The following TADA2A variants were observed in gnomAD, a reference collection of about 807,000 sequenced individuals.
TADA2A encodes the protein transcriptional adaptor 2A.
TADA2A carries 38 observed loss-of-function variants against 67.4 expected under a neutral mutation model. That is an observed-to-expected ratio of 0.56 (90% CI 0.44 to 0.74). TADA2A has a LOEUF of 0.74. Ranked by LOEUF, TADA2A falls within the 30% of genes least tolerant of loss-of-function variation. The pLI is 0.00. For synonymous variants in TADA2A, 192 were observed against 181.6 expected (o/e 1.06, Z -0.46); for missense variants, 454 against 547.0 (o/e 0.83, Z 1.70).
chr17:37,421,151 T>G lies in TADA2A; in HGVS notation c.26-2358T>G, dbSNP rs777355418. Among the ~76,000 whole-genome samples the G allele has an allele frequency of 5.9e-4, 87 of 146,576 alleles. 7 individuals are homozygous for G. The highest frequency in any genetic ancestry group is 4.6e-4 in the Non-Finnish European group (30 of 65,676). ...GGCTCATGCCTATAATTCCACCACT[T>G]TGGGAAGCTGAGGCAGGAGGACTTC... On this transcript the variant is annotated intron_variant, in intron 2 of 15. Transcript: ENST00000615182.
At chr17:37,409,922 T>G (rs893914795) in intron 1 of TADA2A, among the ~76,000 whole-genome samples, 1 of 151,796 alleles carries the variant, frequency 6.6e-6, no homozygotes, top group African/African-American at 2.4e-5. Context: ...CTCCAGCACT[T>G]TTGGAGGCCG....
chr17:37,440,529 C>T lies in TADA2A; in HGVS notation c.309C>T (p.Cys103=). 1.2e-6 allele frequency: 2 copies of T among 1,614,096 alleles called. No individual in the cohort carries two copies. The highest frequency in any genetic ancestry group is 1.7e-6 in the Non-Finnish European group (2 of 1,180,002). The change falls in exon 6 of 16, where the codon TGC becomes TGT. Residue 103 remains cysteine, a synonymous_variant. Transcript: ENST00000615182. ...GNWQDVANQM[C]TKTKEECEKH... The stretch of plus-strand genomic sequence containing the variant: ...GGCAGGATGTAGCCAATCAAATGTG[C>T]ACCAAGACCAAGGAGGAGTGTGAGA...
chr17:37,451,839 C>G (rs957019056), intron 8 of TADA2A, among the ~76,000 whole-genome samples: 2 of 151,894 alleles, frequency 1.3e-5, no homozygotes, highest in African/African-American at 4.8e-5. Flanking sequence ...CAAAAATTAG[C>G]CAGACATGGT....
intron 4 of TADA2A, among the ~76,000 whole-genome samples, chr17:37,433,048 T>G (rs575975800): frequency 1.7e-4 from 26 of 151,560 alleles, no homozygotes; most frequent in African/African-American, 6.3e-4. Context: ...TCTGTATGGG[T>G]TTTCCTTCCC....
At position 37,477,027 on chromosome 17, in the gene TADA2A, T is replaced by C. The variant is rs1194588293; in HGVS notation, c.*45T>C. 1.9e-6 allele frequency: 3 copies of C among 1,571,340 alleles called. No homozygotes were observed. The highest frequency in any genetic ancestry group is 2.7e-5 in the African/African-American group (2 of 73,760). ...CAGAAGTCAGAAGTTTGGAATGTGGTGGGTCAAAGGACAATATGGGTGGGC... is the reference window on the plus strand; with the variant it reads ...CAGAAGTCAGAAGTTTGGAATGTGGCGGGTCAAAGGACAATATGGGTGGGC... On this transcript the variant is annotated 3_prime_UTR_variant, in exon 16 of 16. Coordinates refer to ENST00000615182, the MANE Select transcript of TADA2A (RefSeq NM_001166105.3).
intron 3 of TADA2A, among the ~76,000 whole-genome samples, chr17:37,424,007 C>G (rs1050763524): frequency 6.6e-6 from 1 of 152,034 alleles, no homozygotes; most frequent in African/African-American, 2.4e-5. Flanking sequence ...CTCAGCCTCC[C>G]AAAGTTCTGG....
chr17:37,431,416 A>G (rs1000338223), intron 4 of TADA2A, among the ~76,000 whole-genome samples: 10 of 152,018 alleles, frequency 6.6e-5, no homozygotes, highest in Admixed American at 6.6e-4. Flanking sequence ...ATCATGTGCT[A>G]GGCATATTCA....
In TADA2A at chr17:37,467,195, T is replaced by C. The variant is rs548754220; in HGVS notation, c.824-259T>C. 3.3e-5 allele frequency among the ~76,000 whole-genome samples: 5 copies of C among 152,242 alleles called. No individual in the cohort carries two copies. In the South Asian group the frequency reaches 1.0e-3, roughly 32 times the overall value. On this transcript the variant is annotated intron_variant, in intron 11 of 15. Coordinates refer to ENST00000615182, the MANE Select transcript of TADA2A (RefSeq NM_001166105.3). ...ATTGTTACTTTTGTAGACAAATGAATTTAACCATTTCACTAAGTTTTCTAG... is the reference window on the plus strand; with the variant it reads ...ATTGTTACTTTTGTAGACAAATGAACTTAACCATTTCACTAAGTTTTCTAG...
At chr17:37,414,617 T>G (rs142830441) in intron 2 of TADA2A, among the ~76,000 whole-genome samples, 2 of 152,282 alleles carry the variant, frequency 1.3e-5, no homozygotes, top group Non-Finnish European at 2.9e-5. Flanking sequence ...CACATGCACA[T>G]TTACGTACAC....
chr17:37,469,003 C>A (rs987302745), intron 12 of TADA2A, among the ~76,000 whole-genome samples: 2 of 151,758 alleles, frequency 1.3e-5, no homozygotes, highest in African/African-American at 2.4e-5. Flanking sequence ...TAGGTTCAAG[C>A]GAGTCTCCTG....
intron 10 of TADA2A, among the ~76,000 whole-genome samples, chr17:37,463,198 A>G (rs374979925): frequency 1.8e-4 from 27 of 152,152 alleles, no homozygotes; most frequent in African/African-American, 6.5e-4. Flanking sequence ...TTCTTCCACA[A>G]CATAGAGGCT....
rs997590324 is a variant in TADA2A, at chr17:37,467,646, T to C, written c.895+121T>C. The C allele has an allele frequency of 2.6e-5, 21 of 804,912 alleles. No homozygotes were observed. The African/African-American group carries it at 3.4e-4, about 13-fold the overall frequency. 49.9% of individuals were successfully genotyped at this position (804,912 alleles called of 1,614,324 possible). A position where few individuals can be genotyped will look rare whatever the true frequency, so the allele number is the denominator to read the frequency against. On this transcript the variant is annotated intron_variant, in intron 12 of 15. Transcript: ENST00000615182. ...ACAAGCTTTCCTTTACCAGAATGCT[T>C]TAAACCTTTCCAGTAAAGTTTTGGC... is the stretch of plus-strand genomic sequence containing the variant.
chr17:37,414,365 T>TTTCTTTTTAGCATCTCCG, intron 2 of TADA2A, among the ~76,000 whole-genome samples: 1 of 152,234 alleles, frequency 6.6e-6, no homozygotes, highest in South Asian at 2.1e-4. Flanking sequence ...TCATTTTTTT[T>TTTCTTTTTAGCATCTCCG]TTCTTTTTAG....
At chr17:37,434,283 A>G (rs1245665295) in intron 4 of TADA2A, among the ~76,000 whole-genome samples, 2 of 152,208 alleles carry the variant, frequency 1.3e-5, no homozygotes, top group Non-Finnish European at 2.9e-5. Flanking sequence ...TTCTCATTTT[A>G]TCATATCAGA....
At chr17:37,430,773 T>C (rs748778125) in intron 4 of TADA2A, among the ~76,000 whole-genome samples, 4 of 152,230 alleles carry the variant, frequency 2.6e-5, no homozygotes, top group Non-Finnish European at 4.4e-5. Flanking sequence ...TGTAGAAAGT[T>C]TTTATTGTTT....
At chr17:37,409,066 A>G (rs2147888505) in intron 1 of TADA2A, among the ~76,000 whole-genome samples, 1 of 152,254 alleles carries the variant, frequency 6.6e-6, no homozygotes, top group Non-Finnish European at 1.5e-5. Context: ...TAGGTATCCG[A>G]TATAGTCTCT....
chr17:37,458,025 G>A (rs565032746), intron 8 of TADA2A, among the ~76,000 whole-genome samples: 4 of 152,230 alleles, frequency 2.6e-5, no homozygotes, highest in South Asian at 4.1e-4. Flanking sequence ...GCATCATCCA[G>A]GTATTAAGCC....
intron 11 of TADA2A, among the ~76,000 whole-genome samples, chr17:37,466,087 C>T (rs1305369274): frequency 6.6e-6 from 1 of 152,096 alleles, no homozygotes; most frequent in African/African-American, 2.4e-5. Context: ...TGTGAGAGCT[C>T]TACATAGTTA....
At chr17:37,424,061 A>G (rs1384854994) in intron 3 of TADA2A, among the ~76,000 whole-genome samples, 1 of 152,012 alleles carries the variant, frequency 6.6e-6, no homozygotes, top group African/African-American at 2.4e-5. Context: ...ATTTTTCATT[A>G]TACGTTTTAC....
Sources: allele counts gnomAD v4.1 joint callset (sites outside exome capture counted in the v4.1 genomes callset), GRCh38; gene constraint gnomAD v4.1.1; transcripts MANE v1.5; gene names NCBI Gene and HGNC (gene_info 2026-07-23, HGNC 2026-07-21).